The following NCAM2 variants were observed in gnomAD, a reference collection of about 807,000 sequenced individuals.
The protein encoded by NCAM2 is neural cell adhesion molecule 2.
NCAM2 carries 30 observed loss-of-function variants against 98.1 expected under a neutral mutation model. The observed-to-expected ratio is 0.31, with a 90% CI of 0.23 to 0.41. The LOEUF (loss-of-function observed/expected upper bound fraction) is 0.41, where lower values mean the gene tolerates loss of function less well. Ranked by LOEUF, NCAM2 falls within the 10% of genes least tolerant of loss-of-function variation. The pLI is 1.00. For synonymous variants in NCAM2, 368 were observed against 342.4 expected, an observed-to-expected ratio of 1.07 and a Z score of -0.83; for missense variants, 867 against 1,005.8, an observed-to-expected ratio of 0.86 and a Z score of 1.87.
At chr21:21,489,779 T>G (rs1306590885) in intron 15 of NCAM2, among the ~76,000 whole-genome samples, 1 of 152,098 alleles carries the variant, frequency 6.6e-6, no homozygotes, top group African/African-American at 2.4e-5. Context: ...AAACATAATA[T>G]TCAGAATATA....
intron 12 of NCAM2, among the ~76,000 whole-genome samples, chr21:21,448,365 G>A (rs1980510677): frequency 6.6e-6 from 1 of 151,974 alleles, no homozygotes; most frequent in African/African-American, 2.4e-5. Flanking sequence ...ACACAGGGAG[G>A]GGAAAGATAC....
chr21:21,071,645 T>G (rs1247464208), intron 1 of NCAM2, among the ~76,000 whole-genome samples: 1 of 152,210 alleles, frequency 6.6e-6, no homozygotes, highest in Non-Finnish European at 1.5e-5. Context: ...AAATAATTTA[T>G]GCCATCCGTC....
At chr21:21,278,679 C>T (rs1417449599) in intron 1 of NCAM2, among the ~76,000 whole-genome samples, 1 of 151,994 alleles carries the variant, frequency 6.6e-6, no homozygotes, top group African/African-American at 2.4e-5. Context: ...GTAGACCCTG[C>T]CCAAGTTTTC....
chr21:21,149,563 C>G (rs1057513098), intron 1 of NCAM2, among the ~76,000 whole-genome samples: 2 of 151,984 alleles, frequency 1.3e-5, no homozygotes, highest in South Asian at 4.2e-4. Context: ...CTCTCCCTCC[C>G]CTTGCCCCCC....
chr21:21,271,936 C>T (rs2072517168), intron 1 of NCAM2, among the ~76,000 whole-genome samples: 1 of 151,978 alleles, frequency 6.6e-6, no homozygotes, highest in African/African-American at 2.4e-5. Context: ...GGAGATATAC[C>T]TCATGTAAAT....
intron 8 of NCAM2, among the ~76,000 whole-genome samples, chr21:21,353,226 A>T (rs1393586958): frequency 6.6e-6 from 1 of 152,182 alleles, no homozygotes; most frequent in Non-Finnish European, 1.5e-5. Flanking sequence ...CTAGATAAAA[A>T]TTTTTAAAGC....
chr21:21,368,680 TC>T (rs2075842921), intron 8 of NCAM2, among the ~76,000 whole-genome samples: 1 of 151,784 alleles, frequency 6.6e-6, no homozygotes, highest in Non-Finnish European at 1.5e-5. Flanking sequence ...GGGCACTAAT[TC>T]TAATAACAAG....
At chr21:21,379,422 G>A (rs1377260947) in intron 9 of NCAM2, among the ~76,000 whole-genome samples, 2 of 151,970 alleles carry the variant, frequency 1.3e-5, no homozygotes, top group Non-Finnish European at 2.9e-5. Flanking sequence ...ACTAAGCAGT[G>A]CTTTAACGGA....
chr21:21,093,607 G>C (rs1008765554), intron 1 of NCAM2, among the ~76,000 whole-genome samples: 14 of 151,942 alleles, frequency 9.2e-5, no homozygotes, highest in Non-Finnish European at 1.5e-5. Context: ...TAGTAACCTT[G>C]TAACTGTCCA....
At chr21:21,177,547 A>G (rs534433997) in intron 1 of NCAM2, among the ~76,000 whole-genome samples, 42 of 152,264 alleles carry the variant, frequency 2.8e-4, no homozygotes, top group African/African-American at 9.1e-4. Context: ...TTGCATAGTC[A>G]TCTATGAATA....
Position 21,494,647 on chromosome 21 carries a change from ATAGT to A in NCAM2, c.2078-14201_2078-14198del, listed in dbSNP as rs544337104. Reference sequence around the variant, plus strand: ...ACATCAAAAGAAGAGGTTCAACTGGATAGTTAAAGAACACAAAAGATATTTTATA... The same window carrying A: ...ACATCAAAAGAAGAGGTTCAACTGGATAAAGAACACAAAAGATATTTTATA... On this transcript the variant is annotated intron_variant, in intron 15 of 17. Transcript: ENST00000400546. Among the ~76,000 whole-genome samples the A allele has an allele frequency of 1.2e-4, 18 of 152,034 alleles. No homozygotes were observed. In the South Asian group the frequency reaches 1.9e-3, roughly 16 times the overall value.
intron 1 of NCAM2, among the ~76,000 whole-genome samples, chr21:21,006,902 T>G (rs890455843): frequency 1.6e-4 from 24 of 152,300 alleles, no homozygotes; most frequent in African/African-American, 5.5e-4. Flanking sequence ...TGATAGAGGG[T>G]GCAAAAGCTA....
chr21:21,170,707 C>G (rs1002451485), intron 1 of NCAM2, among the ~76,000 whole-genome samples: 4 of 152,086 alleles, frequency 2.6e-5, no homozygotes. Context: ...ACATGTTTAC[C>G]AAAATCCATG....
intron 1 of NCAM2, among the ~76,000 whole-genome samples, chr21:21,146,569 AT>A (rs2067280752): frequency 1.4e-5 from 2 of 146,986 alleles, no homozygotes. Context: ...ATATATATAT[AT>A]ATATGGATTA....
intron 8 of NCAM2, among the ~76,000 whole-genome samples, chr21:21,357,996 T>A (rs2075540779): frequency 6.6e-6 from 1 of 152,166 alleles, no homozygotes; most frequent in African/African-American, 2.4e-5. Context: ...TCAACAGGGT[T>A]GTAATTACGA....
intron 1 of NCAM2, among the ~76,000 whole-genome samples, chr21:21,116,745 C>T (rs995158236): frequency 3.3e-5 from 5 of 152,062 alleles, no homozygotes; most frequent in Admixed American, 3.3e-4. Context: ...GTCCCACCTA[C>T]TCAGGAGGCT....
At chr21:21,002,325 C>G (rs568650928) in intron 1 of NCAM2, among the ~76,000 whole-genome samples, 1 of 152,082 alleles carries the variant, frequency 6.6e-6, no homozygotes, top group South Asian at 2.1e-4. Context: ...ATTTTCTCCC[C>G]GAGGTACTGT....
intron 1 of NCAM2, among the ~76,000 whole-genome samples, chr21:21,199,517 G>A (rs750483463): frequency 2.0e-5 from 3 of 152,068 alleles, no homozygotes; most frequent in Non-Finnish European, 4.4e-5. Flanking sequence ...TCCTGTCTAG[G>A]GTCTTCCTCC....
At chr21:21,220,690 C>T (rs1183537424) in intron 1 of NCAM2, among the ~76,000 whole-genome samples, 1 of 152,080 alleles carries the variant, frequency 6.6e-6, no homozygotes. Context: ...CAAAATCATA[C>T]TCCTATGTAT....
Sources: allele counts gnomAD v4.1 joint callset (sites outside exome capture counted in the v4.1 genomes callset), GRCh38; gene constraint gnomAD v4.1.1; transcripts MANE v1.5; gene names NCBI Gene and HGNC (gene_info 2026-07-23, HGNC 2026-07-21).